The following GLI3 variants were observed in gnomAD, a reference collection of about 807,000 sequenced individuals.
GLI3 encodes the protein GLI family zinc finger 3.
A neutral mutation model predicts 100.8 loss-of-function variants in GLI3; 20 were observed. That is an observed-to-expected ratio of 0.20 (90% CI 0.14 to 0.29). GLI3 has a LOEUF of 0.29. GLI3 is among the 10% of genes least tolerant of loss of function. The probability of loss-of-function intolerance (pLI) is 1.00; values close to 1 mark genes in which losing one functional copy is unlikely to be tolerated. For missense variants in GLI3, 2,040 were observed against 2,128.5 expected, an observed-to-expected ratio of 0.96 and a Z score of 0.82; for synonymous variants, 938 against 860.5, an observed-to-expected ratio of 1.09 and a Z score of -1.58.
intron 2 of GLI3, among the ~76,000 whole-genome samples, chr7:42,184,346 T>C (rs554421134): frequency 6.6e-6 from 1 of 152,322 alleles, no homozygotes; most frequent in East Asian, 1.9e-4. Context: ...TCCCTGTGGC[T>C]GCACCTTCAG....
chr7:42,145,785 GAGA>G (rs1351920786), intron 3 of GLI3, among the ~76,000 whole-genome samples: 6 of 152,184 alleles, frequency 3.9e-5, no homozygotes, highest in Admixed American at 2.6e-4. Context: ...AGAGAAAGCA[GAGA>G]AGAACTACCT....
At position 42,021,321 on chromosome 7, in the gene GLI3, A is replaced by G. The variant is rs144113331; in HGVS notation, c.1497+2147T>C. Among the ~76,000 whole-genome samples the G allele has an allele frequency of 2.8e-3, 422 of 152,344 alleles. 1 individual carries two copies. The highest frequency in any genetic ancestry group is 9.7e-3 in the African/African-American group (402 of 41,582). ...ATCCTGACATGAATTTCTTCTGGTTAATCTGAAATTAAAATAGTCCACTGT... is the reference window on the plus strand; with the variant it reads ...ATCCTGACATGAATTTCTTCTGGTTGATCTGAAATTAAAATAGTCCACTGT... On this transcript the variant is annotated intron_variant, in intron 10 of 14. Transcript: ENST00000395925.
At chr7:41,987,942 A>T (rs549122554) in intron 10 of GLI3, among the ~76,000 whole-genome samples, 36 of 152,248 alleles carry the variant, frequency 2.4e-4, no homozygotes, top group Non-Finnish European at 5.0e-4. Flanking sequence ...GAATCACAGT[A>T]GTGACTTAAT....
chr7:42,134,674 A>G (rs1338225520), intron 3 of GLI3, among the ~76,000 whole-genome samples: 1 of 152,164 alleles, frequency 6.6e-6, no homozygotes, highest in Non-Finnish European at 1.5e-5. Flanking sequence ...ATATGACAGC[A>G]CGTGCCAACA....
chr7:42,080,609 C>A (rs564556307), intron 3 of GLI3, among the ~76,000 whole-genome samples: 173 of 152,266 alleles, frequency 1.1e-3, no homozygotes, highest in Admixed American at 2.4e-3. Context: ...CAATGGAACT[C>A]CCCTCTTCCA....
At chr7:41,987,858 A>G (rs1047793848) in intron 10 of GLI3, among the ~76,000 whole-genome samples, 13 of 152,184 alleles carry the variant, frequency 8.5e-5, no homozygotes, top group Admixed American at 7.9e-4. Flanking sequence ...AAAATTTGTG[A>G]CATAATTTAT....
At chr7:42,113,799 C>T (rs1164979613) in intron 3 of GLI3, among the ~76,000 whole-genome samples, 1 of 152,214 alleles carries the variant, frequency 6.6e-6, no homozygotes, top group African/African-American at 2.4e-5. Flanking sequence ...AATAGAATGT[C>T]TCTGAAGCTG....
intron 2 of GLI3, among the ~76,000 whole-genome samples, chr7:42,156,085 G>C (rs1786996631): frequency 6.6e-6 from 1 of 152,120 alleles, no homozygotes; most frequent in Non-Finnish European, 1.5e-5. Flanking sequence ...ACAAACCCAA[G>C]GGTACTAACC....
At chr7:42,123,751 A>G (rs1562743166) in intron 3 of GLI3, among the ~76,000 whole-genome samples, 2 of 152,096 alleles carry the variant, frequency 1.3e-5, no homozygotes, top group Non-Finnish European at 2.9e-5. Context: ...GGATCTTTTT[A>G]AGACGGAAAA....
At chr7:42,069,524 A>G (rs1406753057) in intron 4 of GLI3, among the ~76,000 whole-genome samples, 1 of 152,226 alleles carries the variant, frequency 6.6e-6, no homozygotes, top group Non-Finnish European at 1.5e-5. Context: ...TGATAACCAA[A>G]TAATAAGACA....
At chr7:42,184,565 G>A (rs973784829) in intron 2 of GLI3, among the ~76,000 whole-genome samples, 3 of 152,172 alleles carry the variant, frequency 2.0e-5, no homozygotes, top group African/African-American at 7.2e-5. Context: ...ACTGATTTTA[G>A]GAAAAGCACA....
chr7:42,200,333 A>G (rs1255040784), intron 2 of GLI3, among the ~76,000 whole-genome samples: 1 of 152,236 alleles, frequency 6.6e-6, no homozygotes, highest in Non-Finnish European at 1.5e-5. Flanking sequence ...GTGAACAGAC[A>G]GTGAACATTC....
upstream of GLI3, among the ~76,000 whole-genome samples, chr7:42,240,847 A>G (rs148605162): frequency 3.1e-3 from 466 of 152,326 alleles, 1 homozygote; most frequent in South Asian, 0.018. Flanking sequence ...AGAGAGAACA[A>G]AGGATGAACC....
In GLI3 at chr7:41,965,460, A is replaced by G. The variant is rs759795464; in HGVS notation, c.3613T>C (p.Leu1205=). ...TAGCCCCCAGCAGGCCCGCTCCTCA[A>G]GGGGTTCTGCGGGTGGACGACCATG... ...NGMVVHPQNP[L]RSGPAGGYQT... Residue 1205 remains leucine (L), a synonymous_variant, in exon 15 of 15, where the codon TTG becomes CTG. Coordinates refer to ENST00000395925, the MANE Select transcript of GLI3 (RefSeq NM_000168.6). The G allele has an allele frequency of 6.2e-7, 1 of 1,608,868 alleles. No individual in the cohort carries two copies. Among genetic ancestry groups the G allele is most frequent in the African/African-American group, 1.3e-5 (1 of 74,960 alleles).
chr7:42,039,597 T>G (rs928371143), intron 7 of GLI3, among the ~76,000 whole-genome samples: 5 of 152,230 alleles, frequency 3.3e-5, no homozygotes, highest in African/African-American at 1.2e-4. Context: ...CTCCCTCCCA[T>G]GGACTCCTTT....
chr7:42,007,189 A>C (rs1788481138), intron 10 of GLI3, among the ~76,000 whole-genome samples: 1 of 149,576 alleles, frequency 6.7e-6, no homozygotes, highest in South Asian at 2.2e-4. Flanking sequence ...GAGTGAAGTG[A>C]ATTACCAAGA....
At chr7:42,234,384 G>A (rs1417559643) in intron 1 of GLI3, among the ~76,000 whole-genome samples, 1 of 152,166 alleles carries the variant, frequency 6.6e-6, no homozygotes, top group Non-Finnish European at 1.5e-5. Flanking sequence ...CTTACAGCAT[G>A]CAGGTAATTA....
At chr7:42,029,692 C>T (rs1789229978) in intron 7 of GLI3, among the ~76,000 whole-genome samples, 1 of 152,150 alleles carries the variant, frequency 6.6e-6, no homozygotes. Context: ...GCTTCCAGAG[C>T]TCACAATGGC....
intron 1 of GLI3, among the ~76,000 whole-genome samples, chr7:42,262,225 T>TTCCTTCCTTCCTTCCTCCC (rs1789151410): frequency 8.4e-6 from 1 of 118,700 alleles, no homozygotes; most frequent in African/African-American, 3.4e-5. Context: ...TCCTTCCTTC[T>TTCCTTCCTTCCTTCCTCCC]TTCCTTCCTT....
Sources: gnomAD v4.1 joint callset for allele counts (sites outside exome capture counted in the v4.1 genomes callset) on GRCh38, gnomAD v4.1.1 for gene constraint, MANE v1.5 for transcripts, NCBI Gene and HGNC (gene_info 2026-07-23, HGNC 2026-07-21) for gene names.